The following ANKRD26 variants were observed in gnomAD, a reference collection of about 807,000 sequenced individuals.
ANKRD26 encodes the protein ankyrin repeat domain-containing protein 26.
In ANKRD26, 141 loss-of-function variants were observed where a neutral mutation model predicts 208.7. The ratio of observed to expected loss-of-function variants is 0.68; its 90% CI spans 0.59 to 0.78. The LOEUF (loss-of-function observed/expected upper bound fraction) is 0.78. ANKRD26 is among the 30% of genes least tolerant of loss of function. ANKRD26 has a pLI of 0.00. For missense variants in ANKRD26, 1,889 were observed against 1,938.7 expected, an observed-to-expected ratio of 0.97 and a Z score of 0.48; for synonymous variants, 636 against 660.4, an observed-to-expected ratio of 0.96 and a Z score of 0.57.
Position 27,037,335 on chromosome 10 carries a change from T to C in ANKRD26, c.2560-12A>G. On this transcript the variant is annotated splice_polypyrimidine_tract_variant and intron_variant, in intron 22 of 33. Transcript: ENST00000376087. Reference sequence around the variant, plus strand: ...CGCTCTTGAACGACCTAGAGATACATTAAGTTTTAGGTCTATTAGCATTTT... The same window carrying C: ...CGCTCTTGAACGACCTAGAGATACACTAAGTTTTAGGTCTATTAGCATTTT... 1.2e-6 allele frequency: 2 copies of C among 1,613,738 alleles called. No homozygotes were observed. The highest frequency in any genetic ancestry group is 1.7e-6 in the Non-Finnish European group (2 of 1,179,760).
Position 27,004,171 on chromosome 10 carries a change from G to T in ANKRD26, c.*1419C>A, listed in dbSNP as rs1211840546. 2 of 152,124 alleles carry T rather than the reference G, an allele frequency of 1.3e-5. No individual in the cohort carries two copies. The highest frequency in any genetic ancestry group is 2.9e-5 in the Non-Finnish European group (2 of 68,008). The allele number at this position is 152,124 out of a possible 1,614,324, so 9.4% of individuals were successfully genotyped here. ...ACCTATATTCATATTCATCTAGAAAGACAGGAGGAGAAGGGGGAGAAAGGA... is the reference window on the plus strand; with the variant it reads ...ACCTATATTCATATTCATCTAGAAATACAGGAGGAGAAGGGGGAGAAAGGA... On this transcript the variant is annotated 3_prime_UTR_variant, in exon 34 of 34. Transcript: ENST00000376087.
At chr10:27,003,851 A>C (rs1387350036), downstream of ANKRD26, among the ~76,000 whole-genome samples, 2 of 152,234 alleles carry the variant, frequency 1.3e-5, no homozygotes, top group African/African-American at 4.8e-5. Context: ...ACTATCCCAG[A>C]TAAAAGGAGA....
At chr10:27,099,436 T>C (rs2056572198) in intron 1 of ANKRD26, among the ~76,000 whole-genome samples, 1 of 152,140 alleles carries the variant, frequency 6.6e-6, no homozygotes. Flanking sequence ...GGCATTTTAT[T>C]TCTTTTTCTT....
chr10:26,982,835 A>T (rs944126552), intron 3 of ANKRD26, among the ~76,000 whole-genome samples: 1 of 152,138 alleles, frequency 6.6e-6, no homozygotes, highest in African/African-American at 2.4e-5. Flanking sequence ...AACAGGACAG[A>T]ACACAAATTA....
chr10:27,065,295 C>T (rs1173367335), intron 11 of ANKRD26, among the ~76,000 whole-genome samples: 2 of 152,104 alleles, frequency 1.3e-5, no homozygotes, highest in Non-Finnish European at 2.9e-5. Flanking sequence ...GAGCATAAGC[C>T]CCCACCTTGT....
At chr10:27,028,175 C>CA (rs2053731126) in intron 27 of ANKRD26, among the ~76,000 whole-genome samples, 1 of 152,090 alleles carries the variant, frequency 6.6e-6, no homozygotes, top group Non-Finnish European at 1.5e-5. Context: ...CAAAATGTTC[C>CA]AAAATCTGAA....
chr10:27,051,061 C>T, intron 16 of ANKRD26: 1 of 1,240,872 alleles, frequency 8.1e-7, no homozygotes, highest in South Asian at 1.4e-5. Context: ...ACCTCTACCT[C>T]TTTTTGAAGT....
the ANKRD26 span, among the ~76,000 whole-genome samples, chr10:26,965,264 G>A: frequency 6.6e-6 from 1 of 152,016 alleles, no homozygotes; most frequent in Non-Finnish European, 1.5e-5. Context: ...AAACAGCATG[G>A]TACTGGTACC....
intron 29 of ANKRD26, among the ~76,000 whole-genome samples, chr10:27,019,141 A>C (rs1226117760): frequency 6.6e-6 from 1 of 151,954 alleles, no homozygotes; most frequent in East Asian, 1.9e-4. Flanking sequence ...TTAGACAGGC[A>C]TGGTGGTGGG....
At chr10:27,067,361 G>T in intron 9 of ANKRD26, 75 bp from the exon 10 acceptor site, 1 of 1,509,382 alleles carries the variant, frequency 6.6e-7, no homozygotes. Flanking sequence ...TTCAATCACT[G>T]TATTAGTCCG....
the ANKRD26 span, among the ~76,000 whole-genome samples, chr10:26,960,599 T>C: frequency 6.6e-6 from 1 of 152,242 alleles, no homozygotes; most frequent in African/African-American, 2.4e-5. Context: ...TTTAAACTAC[T>C]AGACTTGCGG....
At chr10:27,007,757 T>C (rs746295510) in intron 32 of ANKRD26, among the ~76,000 whole-genome samples, 5 of 152,196 alleles carry the variant, frequency 3.3e-5, no homozygotes, top group Non-Finnish European at 7.3e-5. Flanking sequence ...CATCAATATA[T>C]ACATGAAGAA....
Position 27,100,001 on chromosome 10 carries a change from C to A in ANKRD26, c.242+84G>T, listed in dbSNP as rs950042647. The A allele has an allele frequency of 2.5e-6, 4 of 1,600,434 alleles. No individual in the cohort carries two copies. The African/African-American group carries it at 4.0e-5, about 16-fold the overall frequency. ...GGAGCCCGCGGGAGGCTGATCCAGG[C>A]CCTGGGTGGCTCCCACAAAAGGGGC... On this transcript the variant is annotated intron_variant, in intron 1 of 33. Transcript: ENST00000376087.
the ANKRD26 span, among the ~76,000 whole-genome samples, chr10:26,960,160 AG>A: frequency 2.0e-5 from 3 of 151,264 alleles, no homozygotes; most frequent in Admixed American, 6.6e-5. Flanking sequence ...AAAAAAAAAA[AG>A]GGGGGGTAGT....
intron 27 of ANKRD26, among the ~76,000 whole-genome samples, chr10:27,026,002 C>A (rs1053118737): frequency 1.3e-5 from 2 of 152,198 alleles, no homozygotes; most frequent in African/African-American, 4.8e-5. Context: ...GGCACACTCA[C>A]CCTTAGGATG....
At chr10:27,050,837 T>TG (rs1475683444) in intron 16 of ANKRD26, among the ~76,000 whole-genome samples, 1 of 152,236 alleles carries the variant, frequency 6.6e-6, no homozygotes, top group African/African-American at 2.4e-5. Flanking sequence ...ATATGTCACT[T>TG]GGAAGACTGA....
the ANKRD26 span, among the ~76,000 whole-genome samples, chr10:26,958,032 GC>G: frequency 1.3e-5 from 2 of 151,260 alleles, no homozygotes; most frequent in Non-Finnish European, 2.9e-5. Flanking sequence ...GTAAATGTGT[GC>G]CATGGTGGTT....
chr10:27,009,762 A>T (rs1290012542), intron 32 of ANKRD26, among the ~76,000 whole-genome samples: 1 of 152,188 alleles, frequency 6.6e-6, no homozygotes. Context: ...TTTTATAAAA[A>T]TGCTCCTCCT....
chr10:26,985,795 G>T (rs2052376516), intron 3 of ANKRD26, among the ~76,000 whole-genome samples: 1 of 152,192 alleles, frequency 6.6e-6, no homozygotes, highest in Non-Finnish European at 1.5e-5. Flanking sequence ...CAGAGCAGCT[G>T]TCAGTGCAAT....
Sources: allele counts gnomAD v4.1 joint callset (sites outside exome capture counted in the v4.1 genomes callset), GRCh38; gene constraint gnomAD v4.1.1; transcripts MANE v1.5; gene names NCBI Gene and HGNC (gene_info 2026-07-23, HGNC 2026-07-21).